KCNH8: variants seen among roughly 807,000 people sequenced by gnomAD.
KCNH8 encodes voltage-gated delayed rectifier potassium channel KCNH8.
A neutral mutation model predicts 103.6 loss-of-function variants in KCNH8; 70 were observed. The observed-to-expected ratio is 0.68, with a 90% CI of 0.56 to 0.82. KCNH8 has a LOEUF of 0.82. Among genes scored for constraint, KCNH8 ranks in the 40% least tolerant of loss-of-function variants. The pLI, the probability that KCNH8 is intolerant of heterozygous loss-of-function variation, is 0.00. For missense variants in KCNH8, 1,217 were observed against 1,329.9 expected, an observed-to-expected ratio of 0.92 and a Z score of 1.32; for synonymous variants, 498 against 489.4, an observed-to-expected ratio of 1.02 and a Z score of -0.23.
chr3:19,515,458 G>T, intron 14 of KCNH8, 30 bp downstream of exon 14: 2 of 1,149,372 alleles, frequency 1.7e-6, no homozygotes, highest in Non-Finnish European at 2.4e-6. Flanking sequence ...TTCTCCTAAG[G>T]TAAAATATTT....
chr3:19,506,566 C>CT (rs1476648279), intron 11 of KCNH8, among the ~76,000 whole-genome samples: 31 of 152,166 alleles, frequency 2.0e-4, no homozygotes, highest in Admixed American at 2.0e-3. Context: ...TCTCAGTGCT[C>CT]TGACAGTGTG....
chr3:19,364,444 T>C (rs929796690), intron 5 of KCNH8, among the ~76,000 whole-genome samples: 1 of 152,158 alleles, frequency 6.6e-6, no homozygotes, highest in Non-Finnish European at 1.5e-5. Context: ...CAAGATAATA[T>C]ATTTGGAACA....
intron 11 of KCNH8, among the ~76,000 whole-genome samples, chr3:19,502,411 G>A (rs1575149862): frequency 6.6e-6 from 1 of 151,106 alleles, no homozygotes; most frequent in African/African-American, 2.4e-5. Flanking sequence ...TCACAGAATT[G>A]GAAAAAACTA....
intron 11 of KCNH8, among the ~76,000 whole-genome samples, chr3:19,489,923 C>G (rs1428543744): frequency 1.3e-5 from 2 of 152,228 alleles, no homozygotes; most frequent in African/African-American, 4.8e-5. Context: ...GGCCATGCTT[C>G]CACTCAAATG....
At chr3:19,430,103 A>G (rs1034280911) in intron 7 of KCNH8, among the ~76,000 whole-genome samples, 10 of 152,104 alleles carry the variant, frequency 6.6e-5, no homozygotes, top group East Asian at 1.9e-4. Flanking sequence ...GTTGGGTCCA[A>G]TGGTATTTCT....
chr3:19,170,695 C>T (rs184542473), intron 1 of KCNH8, among the ~76,000 whole-genome samples: 4,460 of 141,322 alleles, frequency 0.032, 235 homozygotes, highest in African/African-American at 0.12. Context: ...TATATACACA[C>T]ATATATATAC....
chr3:19,205,151 A>G (rs1004459883), intron 1 of KCNH8, among the ~76,000 whole-genome samples: 1 of 151,936 alleles, frequency 6.6e-6, no homozygotes, highest in Non-Finnish European at 1.5e-5. Context: ...CTATCTACCT[A>G]TCCATCCACT....
intron 5 of KCNH8, among the ~76,000 whole-genome samples, chr3:19,372,722 C>G (rs1412235327): frequency 2.0e-5 from 3 of 152,108 alleles, no homozygotes; most frequent in Non-Finnish European, 4.4e-5. Context: ...AGTTTTTGCC[C>G]ATTCAGTATG....
intron 1 of KCNH8, among the ~76,000 whole-genome samples, chr3:19,225,185 T>C (rs78375545): frequency 0.097 from 14,760 of 151,918 alleles, 2,406 homozygotes; most frequent in African/African-American, 0.33. Context: ...CTTGTAGAGA[T>C]ATAATAGAGT....
At chr3:19,258,489 A>C (rs892172716) in intron 2 of KCNH8, among the ~76,000 whole-genome samples, 4 of 151,970 alleles carry the variant, frequency 2.6e-5, no homozygotes, top group Non-Finnish European at 5.9e-5. Flanking sequence ...CAATTGAAGA[A>C]TTGTCCAGTT....
At chr3:19,407,480 GTTC>G (rs2066710090) in intron 7 of KCNH8, among the ~76,000 whole-genome samples, 1 of 152,062 alleles carries the variant, frequency 6.6e-6, no homozygotes, top group East Asian at 1.9e-4. Flanking sequence ...TGGAACATCT[GTTC>G]ACTTGGGTCA....
intron 11 of KCNH8, among the ~76,000 whole-genome samples, chr3:19,494,511 G>A (rs2068395499): frequency 6.6e-6 from 1 of 152,148 alleles, no homozygotes; most frequent in South Asian, 2.1e-4. Flanking sequence ...GGAACTGTAG[G>A]TCCAATAAAC....
At chr3:19,163,817 T>G (rs3860594) in intron 1 of KCNH8, among the ~76,000 whole-genome samples, 4,714 of 152,298 alleles carry the variant, frequency 0.031, 233 homozygotes, top group African/African-American at 0.11. Context: ...TTTATGATTA[T>G]CCACTTCCAT....
intron 11 of KCNH8, among the ~76,000 whole-genome samples, chr3:19,507,286 G>C (rs568227055): frequency 6.6e-6 from 1 of 152,288 alleles, no homozygotes; most frequent in African/African-American, 2.4e-5. Flanking sequence ...CAATGACGGA[G>C]AGGCTGTTGA....
chr3:19,395,390 A>T (rs2066500557), intron 7 of KCNH8, 79 bp downstream of exon 7: 1 of 918,660 alleles, frequency 1.1e-6, no homozygotes, highest in Admixed American at 2.4e-5. Flanking sequence ...GAAGTGAAAG[A>T]TAAGTCTATA....
chr3:19,497,132 C>T (rs1403625995), intron 11 of KCNH8, among the ~76,000 whole-genome samples: 1 of 151,988 alleles, frequency 6.6e-6, no homozygotes, highest in Non-Finnish European at 1.5e-5. Flanking sequence ...TTATTTGGCT[C>T]TTCTCTCTTC....
intron 7 of KCNH8, among the ~76,000 whole-genome samples, chr3:19,437,432 C>G (rs1474897394): frequency 1.3e-5 from 2 of 152,112 alleles, no homozygotes; most frequent in African/African-American, 4.8e-5. Context: ...ATTAACTATA[C>G]ATATTTATAA....
intron 3 of KCNH8, among the ~76,000 whole-genome samples, chr3:19,291,046 A>G (rs1422350505): frequency 6.6e-6 from 1 of 152,156 alleles, no homozygotes; most frequent in East Asian, 1.9e-4. Context: ...TGTTTATAGT[A>G]TTCTCTGATG....
intron 2 of KCNH8, among the ~76,000 whole-genome samples, chr3:19,260,967 C>CATATATATATATATAT (rs138181171): frequency 9.2e-4 from 122 of 132,114 alleles, no homozygotes; most frequent in African/African-American, 3.2e-3. Context: ...GAATAATATT[C>CATATATATATATATAT]ATATATATAT....
Sources: gnomAD v4.1 joint callset for allele counts (sites outside exome capture counted in the v4.1 genomes callset) on GRCh38, gnomAD v4.1.1 for gene constraint, MANE v1.5 for transcripts, NCBI Gene and HGNC (gene_info 2026-07-23, HGNC 2026-07-21) for gene names.